RETREG3: variants seen among roughly 807,000 people sequenced by gnomAD.
RETREG3 encodes reticulophagy regulator family member 3.
RETREG3 carries 23 observed loss-of-function variants against 50.2 expected under a neutral mutation model. That is an observed-to-expected ratio of 0.46 (90% confidence interval 0.33 to 0.65). The LOEUF (loss-of-function observed/expected upper bound fraction) is 0.65, where lower values mean the gene tolerates loss of function less well. Among genes scored for constraint, RETREG3 ranks in the 30% least tolerant of loss-of-function variants. RETREG3 has a pLI of 0.02. For synonymous variants in RETREG3, 240 were observed against 234.4 expected (o/e 1.02, Z -0.22); for missense variants, 546 against 598.0 (o/e 0.91, Z 0.91).
At chr17:42,605,540 A>G (rs1235252610) in intron 1 of RETREG3, among the ~76,000 whole-genome samples, 1 of 152,080 alleles carries the variant, frequency 6.6e-6, no homozygotes, top group Admixed American at 6.5e-5. Flanking sequence ...TTCATTTTAA[A>G]TCTCTAATTA....
chr17:42,592,277 T>C, intron 1 of RETREG3, 115 bp from the exon 2 acceptor site: 2 of 743,094 alleles, frequency 2.7e-6, no homozygotes, highest in African/African-American at 1.8e-5. Flanking sequence ...TAGCTTTTTT[T>C]GTTCTGACAC....
At chr17:42,601,294 C>A (rs1046788971) in intron 1 of RETREG3, among the ~76,000 whole-genome samples, 5 of 147,000 alleles carry the variant, frequency 3.4e-5, no homozygotes, top group African/African-American at 1.0e-4. Flanking sequence ...ATAAAATAAA[C>A]TAAGACGGTG....
intron 1 of RETREG3, among the ~76,000 whole-genome samples, chr17:42,594,963 C>CTTTTTTTT: frequency 8.0e-6 from 1 of 125,284 alleles, no homozygotes; most frequent in Non-Finnish European, 1.7e-5. Context: ...TTTTTTTTTA[C>CTTTTTTTT]TTTTTTTTTT....
chr17:42,585,388 G>A, intron 5 of RETREG3, 126 bp from the exon 6 acceptor site: 1 of 1,340,670 alleles, frequency 7.5e-7, no homozygotes, highest in South Asian at 1.5e-5. Flanking sequence ...GCCCAAGTCT[G>A]CCAGTCATCT....
At chr17:42,589,647 C>T (rs865795608) in intron 2 of RETREG3, among the ~76,000 whole-genome samples, 14 of 152,110 alleles carry the variant, frequency 9.2e-5, no homozygotes, top group Non-Finnish European at 1.6e-4. Context: ...TTGTCCAGGC[C>T]GGTCTCAAAT....
chr17:42,585,128 G>T lies in RETREG3; in HGVS notation c.724C>A (p.Gln242Lys). The stretch of plus-strand genomic sequence containing the variant: ...AGAATGACACCATGACACTTACATT[G>T]TCTCTCTCTCTGCTTGGACATCATG... ...GYMMSKQRER[Q>K]LRRRALHPER... Residue 242 changes from glutamine to lysine, a missense_variant, in exon 6 of 9, where the codon CAA (glutamine) becomes AAA (lysine). Coordinates refer to ENST00000309428, the MANE Select transcript of RETREG3 (RefSeq NM_178126.4). The T allele has an allele frequency of 6.2e-7, 1 of 1,611,150 alleles. No homozygotes were observed. Among genetic ancestry groups the T allele is most frequent in the Non-Finnish European group, 8.5e-7 (1 of 1,179,008 alleles).
chr17:42,599,653 C>A (rs1337960430), intron 1 of RETREG3, among the ~76,000 whole-genome samples: 523 of 108,094 alleles, frequency 4.8e-3, no homozygotes, highest in Middle Eastern at 0.011. Flanking sequence ...GGCTCCGTCT[C>A]AAAAAAAAAA....
At chr17:42,584,815 C>CAAAAAAAAAAAAAAAAAA (rs71157643) in intron 6 of RETREG3, among the ~76,000 whole-genome samples, 1 of 82,630 alleles carries the variant, frequency 1.2e-5, no homozygotes, top group Non-Finnish European at 2.3e-5. Flanking sequence ...GACCCTGTCT[C>CAAAAAAAAAAAAAAAAAA]AAAAAAAAAA....
rs765306164 is a variant in RETREG3, at chr17:42,582,188, G to C, written c.1026C>G (p.Gly342=). ...TGCTAGTGTCGTCCTCATCATCCAGGCCAGCAGGATCCATATTAATGGAAG... is the reference window on the plus strand; with the variant it reads ...TGCTAGTGTCGTCCTCATCATCCAGCCCAGCAGGATCCATATTAATGGAAG... The part of the protein sequence containing the change: ...DFPSINMDPA[G]LDDEDDTSIG... The change falls in exon 9 of 9, where the codon GGC becomes GGG. Residue 342 remains glycine, a synonymous_variant. Coordinates refer to ENST00000309428, the MANE Select transcript of RETREG3 (RefSeq NM_178126.4). 6.2e-7 allele frequency: 1 copy of C among 1,613,896 alleles called. No individual in the cohort carries two copies. Among genetic ancestry groups the C allele is most frequent in the Non-Finnish European group, 8.5e-7 (1 of 1,180,036 alleles).
At chr17:42,583,624 G>A (rs781151142) in intron 6 of RETREG3, 44 bp from the exon 7 acceptor site, 8 of 1,568,332 alleles carry the variant, frequency 5.1e-6, no homozygotes, top group African/African-American at 4.1e-5. Flanking sequence ...TTCTCCCAGC[G>A]TAAAATCCCC....
In RETREG3 at chr17:42,596,433, ACT is replaced by A. The variant is rs76039461; in HGVS notation, c.240-4273_240-4272del. ...AATGTTTTAGTTTTTTTCTTATTAC[ACT>A]GTTTTATCTGCTTGTGAGTTTTTTG... On this transcript the variant is annotated intron_variant, in intron 1 of 8. Coordinates refer to ENST00000309428, the MANE Select transcript of RETREG3 (RefSeq NM_178126.4). The A allele has an allele frequency of 9.7e-5, 14 of 144,426 alleles. No homozygotes were observed. In the East Asian group the frequency reaches 3.0e-3, roughly 31 times the overall value. 8.9% of individuals were successfully genotyped at this position (144,426 alleles called of 1,614,324 possible). A position where few individuals can be genotyped will look rare whatever the true frequency, so the allele number is the denominator to read the frequency against.
rs1335011503 is a variant in RETREG3, at chr17:42,591,925, A to C, written c.346+131T>G. ...CACAAGCCCTTCAAGTGCCTCCTAA[A>C]GCAAATGATTCAGACTTCAAAAGAC... is the stretch of plus-strand genomic sequence containing the variant. On this transcript the variant is annotated intron_variant, in intron 2 of 8. Coordinates refer to ENST00000309428, the MANE Select transcript of RETREG3 (RefSeq NM_178126.4). The C allele has an allele frequency of 1.6e-5, 12 of 752,130 alleles. No homozygotes were observed. The South Asian group carries it at 2.5e-4, about 15-fold the overall frequency. The allele number at this position is 752,130 out of a possible 1,614,324, so 46.6% of individuals were successfully genotyped here. A position where few individuals can be genotyped will look rare whatever the true frequency, so the allele number is the denominator to read the frequency against.
chr17:42,582,855 GTAGTCACCAGGTACAGCTTT>G, intron 7 of RETREG3, 49 bp from the exon 8 acceptor site: 1 of 1,611,502 alleles, frequency 6.2e-7, no homozygotes, highest in Non-Finnish European at 8.5e-7. Context: ...GGAACCAGGT[GTAGTCACCAGGTACAGCTTT>G]ACTAATCAGC....
chr17:42,583,632 C>T (rs745696419), intron 6 of RETREG3, 52 bp from the exon 7 acceptor site: 4 of 1,545,464 alleles, frequency 2.6e-6, no homozygotes, highest in Non-Finnish European at 3.5e-6. Context: ...GCGTAAAATC[C>T]CCTTTGGACT....
intron 1 of RETREG3, 87 bp downstream of exon 1, chr17:42,608,999 A>C: frequency 7.4e-7 from 1 of 1,354,080 alleles, no homozygotes; most frequent in Non-Finnish European, 1.0e-6. Flanking sequence ...CAGTGCAGCG[A>C]AGAAAACAGG....
At chr17:42,599,835 A>G (rs1018254531) in intron 1 of RETREG3, among the ~76,000 whole-genome samples, 1 of 152,058 alleles carries the variant, frequency 6.6e-6, no homozygotes, top group African/African-American at 2.4e-5. Context: ...TCTACTAAAA[A>G]TACAAAAAAT....
intron 2 of RETREG3, among the ~76,000 whole-genome samples, chr17:42,589,123 G>A (rs924801859): frequency 1.4e-5 from 2 of 146,904 alleles, no homozygotes; most frequent in Non-Finnish European, 3.0e-5. Flanking sequence ...AAAAAAAAAT[G>A]GGGAGACCCA....
chr17:42,587,028 T>A (rs2093122774), intron 3 of RETREG3, 137 bp from the exon 4 acceptor site: 1 of 1,193,324 alleles, frequency 8.4e-7, no homozygotes, highest in Non-Finnish European at 1.2e-6. Flanking sequence ...AGGTGAAGCA[T>A]GACTTTCTTC....
At chr17:42,585,942 A>G (rs548153351) in intron 5 of RETREG3, 111 bp downstream of exon 5, 2 of 971,328 alleles carry the variant, frequency 2.1e-6, no homozygotes, top group Admixed American at 2.0e-5. Context: ...TGCAAAGGTC[A>G]TATCCTAGAG....
Sources: allele counts gnomAD v4.1 joint callset (sites outside exome capture counted in the v4.1 genomes callset), GRCh38; gene constraint gnomAD v4.1.1; transcripts MANE v1.5; gene names NCBI Gene and HGNC (gene_info 2026-07-23, HGNC 2026-07-21).